CEP170: variants seen among roughly 807,000 people sequenced by gnomAD.
The protein encoded by CEP170 is centrosomal protein of 170 kDa.
CEP170 carries 21 observed loss-of-function variants against 151.9 expected under a neutral mutation model. That is an observed-to-expected ratio of 0.14 (90% CI 0.10 to 0.20). CEP170 has a LOEUF of 0.20. Among genes scored for constraint, CEP170 ranks in the 10% least tolerant of loss-of-function variants. CEP170 has a pLI of 1.00. For synonymous variants in CEP170, 356 were observed against 648.8 expected (o/e 0.55, Z 6.86); for missense variants, 964 against 1,892.9 (o/e 0.51, Z 9.11).
intron 1 of CEP170, among the ~76,000 whole-genome samples, chr1:243,239,646 C>T (rs2064624857): frequency 6.6e-6 from 1 of 152,120 alleles, no homozygotes; most frequent in Non-Finnish European, 1.5e-5. Flanking sequence ...TATGCTGTCC[C>T]AAGACCTTTC....
rs1205942252 is a variant in CEP170 at position 243,166,062 on chromosome 1, G to A, written c.1898C>T (p.Ser633Phe). The A allele has an allele frequency of 1.9e-6, 3 of 1,612,380 alleles. No homozygotes were observed. In the African/African-American group the frequency reaches 4.0e-5, roughly 22 times the overall value. The change falls in exon 13 of 20, where the codon TCC (serine) becomes TTC (phenylalanine). Residue 633 changes from serine to phenylalanine, a missense_variant. By Grantham distance (155) the Ser-to-Phe change is radical. Transcript: ENST00000366542. ...CCTTCTCTCTCCCTGGCTAGCCAAG[G>A]AAGTTGCAGAGCCAGTACTTCTCAC... ...MTVRSTGSATSLASQGERRRR... is the reference protein window; with the variant it reads ...MTVRSTGSATFLASQGERRRR...
At chr1:243,127,068 T>A (rs1470440765) in intron 19 of CEP170, among the ~76,000 whole-genome samples, 2 of 152,202 alleles carry the variant, frequency 1.3e-5, no homozygotes, top group African/African-American at 2.4e-5. Flanking sequence ...ATACTGAATA[T>A]GATTTTTAAT....
At chr1:243,243,424 A>G (rs918774706) in intron 1 of CEP170, among the ~76,000 whole-genome samples, 3 of 152,228 alleles carry the variant, frequency 2.0e-5, no homozygotes, top group African/African-American at 7.2e-5. Context: ...CCTCTAGATC[A>G]GAGAAACAAT....
At chr1:243,150,868 A>T (rs1203922053) in intron 14 of CEP170, among the ~76,000 whole-genome samples, 1 of 152,196 alleles carries the variant, frequency 6.6e-6, no homozygotes, top group Non-Finnish European at 1.5e-5. Context: ...CATTTTACCG[A>T]TGAGATCACT....
At position 243,242,259 on chromosome 1, in the gene CEP170, C is replaced by T. The variant is rs150089357; in HGVS notation, c.-42+12781G>A. ...TTTTTGGGACAGTCTCGCTCTGTCG[C>T]CCAGGCTGGAGTGCAGTGGCGTGAT... is the stretch of plus-strand genomic sequence containing the variant. On this transcript the variant is annotated intron_variant, in intron 1 of 19. Transcript: ENST00000366542. 4.1e-3 allele frequency among the ~76,000 whole-genome samples: 627 copies of T among 152,246 alleles called. 5 individuals are homozygous for T. Among genetic ancestry groups the T allele is most frequent in the African/African-American group, 0.014 (587 of 41,550 alleles).
intron 7 of CEP170, among the ~76,000 whole-genome samples, chr1:243,192,475 CTGT>C (rs2148775611): frequency 6.6e-6 from 1 of 152,182 alleles, no homozygotes; most frequent in South Asian, 2.1e-4. Flanking sequence ...TGCTATTGTC[CTGT>C]TGTTGAAGAA....
chr1:243,226,214 T>C (rs1455694877), intron 1 of CEP170, among the ~76,000 whole-genome samples: 1 of 145,140 alleles, frequency 6.9e-6, no homozygotes, highest in African/African-American at 2.5e-5. Flanking sequence ...TATATATCTA[T>C]AGAGAGATAG....
At chr1:243,152,521 ATT>A (rs371392454) in intron 14 of CEP170, among the ~76,000 whole-genome samples, 1 of 54,952 alleles carries the variant, frequency 1.8e-5, no homozygotes, top group Non-Finnish European at 3.1e-5. Context: ...GCGCCCAGCC[ATT>A]TTTTTTTTTT....
intron 1 of CEP170, among the ~76,000 whole-genome samples, chr1:243,236,374 C>A (rs528691526): frequency 1.1e-4 from 16 of 152,224 alleles, no homozygotes; most frequent in African/African-American, 3.6e-4. Context: ...TGATGATATG[C>A]AATATATTTT....
chr1:243,145,924 C>G (rs548717274), intron 14 of CEP170, among the ~76,000 whole-genome samples: 1 of 152,136 alleles, frequency 6.6e-6, no homozygotes, highest in African/African-American at 2.4e-5. Flanking sequence ...CTCATGGTTT[C>G]CACACTATCT....
chr1:243,160,234 A>G (rs942357418), intron 13 of CEP170, among the ~76,000 whole-genome samples: 3 of 152,168 alleles, frequency 2.0e-5, no homozygotes, highest in Non-Finnish European at 4.4e-5. Flanking sequence ...GATTTTCTTA[A>G]TATATTATTA....
intron 1 of CEP170, among the ~76,000 whole-genome samples, chr1:243,234,226 A>G (rs2064053581): frequency 6.6e-6 from 1 of 152,198 alleles, no homozygotes; most frequent in Non-Finnish European, 1.5e-5. Flanking sequence ...CATTAGGACT[A>G]TCGTCTACAC....
chr1:243,240,448 T>G (rs2064716555), intron 1 of CEP170, among the ~76,000 whole-genome samples: 3 of 152,172 alleles, frequency 2.0e-5, no homozygotes, highest in Admixed American at 6.5e-5. Context: ...TCCACCTTAT[T>G]TCCCTAGAAG....
At chr1:243,244,451 A>G (rs1205467070) in intron 1 of CEP170, among the ~76,000 whole-genome samples, 2 of 152,220 alleles carry the variant, frequency 1.3e-5, no homozygotes, top group Non-Finnish European at 2.9e-5. Context: ...TTTAGAAAGT[A>G]AAAACTCTGG....
chr1:243,126,909 A>G (rs1225999416), intron 19 of CEP170, among the ~76,000 whole-genome samples, 171 bp from the exon 20 acceptor site: 4 of 152,200 alleles, frequency 2.6e-5, no homozygotes, highest in African/African-American at 9.6e-5. Flanking sequence ...GCTGTACTGT[A>G]AATCACCCAG....
chr1:243,227,412 TG>T (rs1346478659), intron 1 of CEP170, among the ~76,000 whole-genome samples: 3 of 152,242 alleles, frequency 2.0e-5, no homozygotes, highest in Admixed American at 1.3e-4. Context: ...AGTCTAGTTC[TG>T]CAGACAACTC....
intron 16 of CEP170, among the ~76,000 whole-genome samples, chr1:243,137,054 T>TG (rs2055175060): frequency 6.6e-6 from 1 of 152,292 alleles, no homozygotes; most frequent in South Asian, 2.1e-4. Flanking sequence ...ATAGGGTCTC[T>TG]GCCACAATTC....
intron 2 of CEP170, among the ~76,000 whole-genome samples, chr1:243,222,123 G>A (rs572980604): frequency 6.6e-6 from 1 of 152,246 alleles, no homozygotes; most frequent in South Asian, 2.1e-4. Context: ...CTGTTATAGA[G>A]AAATCATGTG....
In CEP170 at chr1:243,170,110, G is replaced by A. The variant is rs866614969; in HGVS notation, c.1717-356C>T. On this transcript the variant is annotated intron_variant, in intron 11 of 19. Coordinates refer to ENST00000366542, the MANE Select transcript of CEP170 (RefSeq NM_014812.3). ...TTATTAAGAGTGTCAGATTTGGGCC[G>A]GGTGTGGTGGTTGATGCCTGTAATC... Among the ~76,000 whole-genome samples the A allele has an allele frequency of 3.3e-5, 5 of 152,266 alleles. No individual in the cohort carries two copies. In the Middle Eastern group the frequency reaches 0.01, roughly 311 times the overall value.
Sources: allele counts gnomAD v4.1 joint callset (sites outside exome capture counted in the v4.1 genomes callset), GRCh38; gene constraint gnomAD v4.1.1; transcripts MANE v1.5; gene names NCBI Gene and HGNC (gene_info 2026-07-23, HGNC 2026-07-21).